Variants in SAMD13 observed in about 807,000 individuals in gnomAD.
The protein encoded by SAMD13 is sterile alpha motif domain containing 13.
In SAMD13, 9 loss-of-function variants were observed where a neutral mutation model predicts 12.4. The observed-to-expected ratio is 0.72, with a 90% confidence interval of 0.44 to 1.26. The LOEUF (loss-of-function observed/expected upper bound fraction) is 1.26. SAMD13 is among the 50% of genes most tolerant of loss of function. The pLI is 0.00. For synonymous variants in SAMD13, 46 were observed against 45.4 expected (o/e 1.01, Z -0.05); for missense variants, 84 against 119.6 (o/e 0.70, Z 1.39).
At chr1:84,307,145 C>T (rs969829781) in intron 2 of SAMD13, among the ~76,000 whole-genome samples, 1 of 152,046 alleles carries the variant, frequency 6.6e-6, no homozygotes, top group Non-Finnish European at 1.5e-5. Context: ...GGTCTCTCTC[C>T]CTTTGTCTTT....
intron 3 of SAMD13, among the ~76,000 whole-genome samples, chr1:84,335,935 C>T (rs1224885839): frequency 1.3e-5 from 2 of 152,160 alleles, no homozygotes; most frequent in East Asian, 3.9e-4. Flanking sequence ...GATGGGGTTC[C>T]ATTTGTAGGT....
In SAMD13 at chr1:84,349,861, T is replaced by C; in HGVS notation, c.*87T>C. ...AATGAAACTTTGTAAACAGAATACA[T>C]ACATGTGTATATGTAAAGAATTTCA... On this transcript the variant is annotated 3_prime_UTR_variant, in exon 4 of 4. Transcript: ENST00000394834. 6.6e-7 allele frequency: 1 copy of C among 1,512,154 alleles called. No homozygotes were observed. Among genetic ancestry groups the C allele is most frequent in the Non-Finnish European group, 8.8e-7 (1 of 1,133,086 alleles). 93.7% of individuals were successfully genotyped at this position (1,512,154 alleles called of 1,614,324 possible). A position where few individuals can be genotyped will look rare whatever the true frequency, so the allele number is the denominator to read the frequency against.
At chr1:84,340,848 G>A (rs1679408961) in intron 3 of SAMD13, among the ~76,000 whole-genome samples, 1 of 152,174 alleles carries the variant, frequency 6.6e-6, no homozygotes, top group South Asian at 2.1e-4. Context: ...GGGTGTCTGT[G>A]GGAGTGTTGG....
At chr1:84,319,373 C>A (rs1165440042) in intron 2 of SAMD13, among the ~76,000 whole-genome samples, 2 of 152,112 alleles carry the variant, frequency 1.3e-5, no homozygotes, top group Non-Finnish European at 2.9e-5. Context: ...CACCTGTAAT[C>A]CCAGCACTTT....
intron 2 of SAMD13, chr1:84,304,079 CTAATTAAATA>C (rs1274965527): frequency 6.6e-6 from 1 of 152,110 alleles, no homozygotes; most frequent in East Asian, 1.9e-4. Flanking sequence ...TTGGAGGAAA[CTAATTAAATA>C]TAATCCATAG....
intron 3 of SAMD13, among the ~76,000 whole-genome samples, chr1:84,346,371 T>G (rs1441005281): frequency 1.3e-5 from 2 of 152,216 alleles, no homozygotes; most frequent in Non-Finnish European, 2.9e-5. Context: ...GTAAACATTG[T>G]TTATTGCCCA....
chr1:84,308,408 A>G (rs141107096), intron 2 of SAMD13, among the ~76,000 whole-genome samples: 201 of 152,230 alleles, frequency 1.3e-3, no homozygotes, highest in Middle Eastern at 3.4e-3. Context: ...CCTTCTACCA[A>G]TGATATGCCA....
At chr1:84,345,878 A>G (rs1047371769) in intron 3 of SAMD13, among the ~76,000 whole-genome samples, 1 of 152,162 alleles carries the variant, frequency 6.6e-6, no homozygotes, top group Non-Finnish European at 1.5e-5. Context: ...TTTTTAATTT[A>G]AATTTTTTAG....
chr1:84,298,624 C>G, upstream of SAMD13: 1 of 1,265,426 alleles, frequency 7.9e-7, no homozygotes, highest in Non-Finnish European at 1.0e-6. Context: ...TCTCCTCTCT[C>G]CAGGATGAAA....
At chr1:84,302,926 A>T in intron 1 of SAMD13, 1 of 295,746 alleles carries the variant, frequency 3.4e-6, no homozygotes, top group East Asian at 6.9e-5. Context: ...GTGCCAGTTC[A>T]CACAGCACTT....
chr1:84,304,418 G>A (rs1678516052), intron 2 of SAMD13: 1 of 152,032 alleles, frequency 6.6e-6, no homozygotes. Context: ...AGCCACATGT[G>A]GCTACGAAGA....
intron 3 of SAMD13, among the ~76,000 whole-genome samples, chr1:84,335,124 T>C (rs1008332921): frequency 1.9e-4 from 29 of 152,126 alleles, no homozygotes; most frequent in Admixed American, 1.8e-3. Flanking sequence ...TGATGGTCTG[T>C]CTAAACTGGT....
At chr1:84,301,043 T>A (rs1162060057), upstream of SAMD13, among the ~76,000 whole-genome samples, 1 of 152,266 alleles carries the variant, frequency 6.6e-6, no homozygotes, top group Non-Finnish European at 1.5e-5. Flanking sequence ...TTGTTTCAGT[T>A]TGAATTTTTG....
intron 3 of SAMD13, among the ~76,000 whole-genome samples, chr1:84,337,239 G>C (rs1389287543): frequency 6.6e-6 from 1 of 152,142 alleles, no homozygotes; most frequent in Admixed American, 6.5e-5. Flanking sequence ...CCTCAGTAGG[G>C]ACTCTATATG....
At position 84,308,663 on chromosome 1, in the gene SAMD13, A is replaced by G. The variant is rs1183849478; in HGVS notation, c.53+5376A>G. Among the ~76,000 whole-genome samples, 6 of 152,190 alleles carry G rather than the reference A, an allele frequency of 3.9e-5. No individual in the cohort carries two copies. The East Asian group carries it at 1.2e-3, about 29-fold the overall frequency. ...TTTGAAGCTTCTGCTTTCTTTCTTT[A>G]TATATCATAGAAGAGAAGGGCAGAG... On this transcript the variant is annotated intron_variant, in intron 2 of 3. Coordinates refer to ENST00000394834, the MANE Select transcript of SAMD13 (RefSeq NM_001134663.2).
chr1:84,338,565 G>A (rs903204760), intron 3 of SAMD13, among the ~76,000 whole-genome samples: 4 of 150,454 alleles, frequency 2.7e-5, no homozygotes, highest in African/African-American at 9.8e-5. Context: ...AGCTTCCTCA[G>A]TAACTAGGAT....
At chr1:84,305,920 A>G (rs1338976256) in intron 2 of SAMD13, among the ~76,000 whole-genome samples, 6 of 152,086 alleles carry the variant, frequency 3.9e-5, no homozygotes, top group Non-Finnish European at 8.8e-5. Flanking sequence ...AGTGTTAGCA[A>G]TCCAACTTTG....
upstream of SAMD13, chr1:84,299,667 A>C: frequency 1.1e-6 from 1 of 937,972 alleles, no homozygotes; most frequent in Non-Finnish European, 1.4e-6. Flanking sequence ...GTATATATAT[A>C]TATATATATT....
At position 84,325,813 on chromosome 1, in the gene SAMD13, C is replaced by G. The variant is rs1274276288; in HGVS notation, c.165+65C>G. The G allele has an allele frequency of 5.1e-6, 5 of 978,230 alleles. No homozygotes were observed. In the Admixed American group the frequency reaches 9.2e-5, roughly 18 times the overall value. The allele number at this position is 978,230 out of a possible 1,614,324, so 60.6% of individuals were successfully genotyped here. A position where few individuals can be genotyped will look rare whatever the true frequency, so the allele number is the denominator to read the frequency against. ...AACCCACAGTTACCTCCCTTCCCAA[C>G]AGTGGGCAGAAGGGAGTGAGGAGGA... On this transcript the variant is annotated intron_variant, in intron 3 of 3. Coordinates refer to ENST00000394834, the MANE Select transcript of SAMD13 (RefSeq NM_001134663.2).
Sources: gnomAD v4.1 joint callset for allele counts (sites outside exome capture counted in the v4.1 genomes callset) on GRCh38, gnomAD v4.1.1 for gene constraint, MANE v1.5 for transcripts, NCBI Gene and HGNC (gene_info 2026-07-23, HGNC 2026-07-21) for gene names.